SNX29: variants seen among roughly 807,000 people sequenced by gnomAD.
SNX29 encodes the protein sorting nexin 29.
A neutral mutation model predicts 102.1 loss-of-function variants in SNX29; 78 were observed. That is an observed-to-expected ratio of 0.76 (90% confidence interval 0.64 to 0.92). The LOEUF is 0.92. SNX29 is among the 40% of genes least tolerant of loss of function. SNX29 has a pLI of 0.00. For missense variants in SNX29, 1,280 were observed against 1,061.7 expected, an observed-to-expected ratio of 1.21 and a Z score of -2.86; for synonymous variants, 580 against 414.5, an observed-to-expected ratio of 1.40 and a Z score of -4.85.
intron 13 of SNX29, among the ~76,000 whole-genome samples, chr16:12,151,151 CTTG>C (rs2055283546): frequency 1.3e-5 from 2 of 152,206 alleles, no homozygotes; most frequent in South Asian, 2.1e-4. Context: ...CAGTTACTCA[CTTG>C]TTATTACTCT....
chr16:12,030,555 G>A (rs2057311276), intron 4 of SNX29, among the ~76,000 whole-genome samples: 2 of 152,184 alleles, frequency 1.3e-5, no homozygotes, highest in East Asian at 1.9e-4. Flanking sequence ...AGCCACTCGC[G>A]GTTCCTCCAT....
chr16:12,147,123 G>A (rs2055095963), intron 13 of SNX29, among the ~76,000 whole-genome samples: 1 of 152,234 alleles, frequency 6.6e-6, no homozygotes, highest in Non-Finnish European at 1.5e-5. Context: ...ATGAACATCT[G>A]TGTTTTGAAG....
intron 20 of SNX29, chr16:12,557,521 C>T (rs866718243): frequency 6.6e-6 from 1 of 152,040 alleles, no homozygotes; most frequent in Non-Finnish European, 1.5e-5. Context: ...ACCACCTCTC[C>T]CAACTAATTT....
chr16:12,393,589 A>G (rs2083616283), intron 16 of SNX29, among the ~76,000 whole-genome samples: 1 of 152,192 alleles, frequency 6.6e-6, no homozygotes, highest in Non-Finnish European at 1.5e-5. Flanking sequence ...TACAAGCTGA[A>G]GAATGTGAAC....
chr16:12,486,258 T>A (rs918976249), intron 19 of SNX29, among the ~76,000 whole-genome samples: 4 of 152,178 alleles, frequency 2.6e-5, no homozygotes, highest in Admixed American at 1.3e-4. Context: ...GTAATGTGAT[T>A]AGATTGGGCC....
chr16:12,466,173 G>T (rs7189458), intron 18 of SNX29, among the ~76,000 whole-genome samples: 5 of 151,824 alleles, frequency 3.3e-5, no homozygotes, highest in African/African-American at 7.3e-5. Flanking sequence ...AGAAATAAAA[G>T]GCATCCAAAT....
chr16:12,362,631 C>A (rs1350429460), intron 16 of SNX29, among the ~76,000 whole-genome samples: 3 of 145,646 alleles, frequency 2.1e-5, no homozygotes, highest in Non-Finnish European at 4.5e-5. Flanking sequence ...TGCTGCCCCC[C>A]ACCCAGGGCC....
intron 20 of SNX29, among the ~76,000 whole-genome samples, chr16:12,552,193 A>G (rs1228349221): frequency 1.3e-5 from 2 of 152,236 alleles, no homozygotes; most frequent in African/African-American, 2.4e-5. Context: ...ACAACGGCAG[A>G]TAAGGCAGGG....
chr16:12,032,979 C>G (rs1363976418), intron 4 of SNX29, among the ~76,000 whole-genome samples: 1 of 152,078 alleles, frequency 6.6e-6, no homozygotes, highest in Non-Finnish European at 1.5e-5. Context: ...CTCAGTTTCC[C>G]AAGTAGCTGG....
At chr16:12,548,070 G>A (rs1181455925) in intron 20 of SNX29, among the ~76,000 whole-genome samples, 2 of 152,162 alleles carry the variant, frequency 1.3e-5, no homozygotes, top group African/African-American at 4.8e-5. Flanking sequence ...ACACGGTCAG[G>A]CATGACATAA....
chr16:12,224,234 G>GCTCCCTGCATTC (rs1403345528), intron 14 of SNX29, among the ~76,000 whole-genome samples: 1 of 152,144 alleles, frequency 6.6e-6, no homozygotes, highest in East Asian at 1.9e-4. Context: ...CATCTCCCTT[G>GCTCCCTGCATTC]CTCCCTGCAT....
chr16:12,336,524 G>A (rs903433564), intron 15 of SNX29, among the ~76,000 whole-genome samples: 1 of 152,172 alleles, frequency 6.6e-6, no homozygotes, highest in African/African-American at 2.4e-5. Flanking sequence ...TTGGAATACT[G>A]TGTTTTCTCT....
At chr16:12,516,741 T>G (rs1362737192) in intron 19 of SNX29, among the ~76,000 whole-genome samples, 1 of 152,200 alleles carries the variant, frequency 6.6e-6, no homozygotes, top group African/African-American at 2.4e-5. Context: ...AAATCACCTC[T>G]GTCTGTCACG....
Position 12,077,386 on chromosome 16 carries a change from GGTGTGTGT to G in SNX29, c.1320-1412_1320-1405del, listed in dbSNP as rs60621681. Among the ~76,000 whole-genome samples the G allele has an allele frequency of 1.2e-3, 170 of 142,874 alleles. 2 individuals are homozygous for G. The Middle Eastern group carries it at 0.014, about 12-fold the overall frequency. The allele number at this position is 142,874 out of a possible 152,430, so 93.7% of individuals were successfully genotyped here. ...TTTTGGTACTTTTCCTCCTAGTCATGGTGTGTGTGTGTGTGTGTGTGTGTGTGTGTGTG... is the reference window on the plus strand; with the variant it reads ...TTTTGGTACTTTTCCTCCTAGTCATGGTGTGTGTGTGTGTGTGTGTGTGTG... On this transcript the variant is annotated intron_variant, in intron 10 of 20. Coordinates refer to ENST00000566228, the MANE Select transcript of SNX29 (RefSeq NM_032167.5).
chr16:12,478,264 C>T (rs777892457), intron 19 of SNX29, among the ~76,000 whole-genome samples: 10 of 152,216 alleles, frequency 6.6e-5, no homozygotes, highest in African/African-American at 2.4e-4. Context: ...GAATAGACAG[C>T]AGCTGGATTT....
At chr16:12,261,374 G>A (rs1363228134) in intron 14 of SNX29, among the ~76,000 whole-genome samples, 1 of 141,002 alleles carries the variant, frequency 7.1e-6, no homozygotes, top group Non-Finnish European at 1.5e-5. Context: ...TGTTTGCTGA[G>A]CTCGGGTCTG....
chr16:12,174,941 C>A (rs1025674821), intron 13 of SNX29, among the ~76,000 whole-genome samples: 1 of 149,588 alleles, frequency 6.7e-6, no homozygotes, highest in Non-Finnish European at 1.5e-5. Flanking sequence ...AAAAAAAAAA[C>A]AACCAATTAT....
At position 12,168,424 on chromosome 16, in the gene SNX29, G is replaced by A. The variant is rs2141723116; in HGVS notation, c.1596-31177G>A. On this transcript the variant is annotated intron_variant, in intron 13 of 20. Transcript: ENST00000566228. The stretch of plus-strand genomic sequence containing the variant: ...GGGTCACATGGCAAGCTGAATGGTT[G>A]CTCAGAGAATCGAACCAACTTTGTT... Among the ~76,000 whole-genome samples, 2 of 152,298 alleles carry A rather than the reference G, an allele frequency of 1.3e-5. 1 individual carries two copies. The highest frequency in any genetic ancestry group is 4.1e-4 in the South Asian group (2 of 4,826).
At chr16:12,375,561 T>C (rs2082841395) in intron 16 of SNX29, 1 of 152,190 alleles carries the variant, frequency 6.6e-6, no homozygotes, top group Admixed American at 6.5e-5. Context: ...CGTGTGGTTG[T>C]TGGCAGGATT....
Sources: gnomAD v4.1 joint callset for allele counts (sites outside exome capture counted in the v4.1 genomes callset) on GRCh38, gnomAD v4.1.1 for gene constraint, MANE v1.5 for transcripts, NCBI Gene and HGNC (gene_info 2026-07-23, HGNC 2026-07-21) for gene names.